OR2I1: variants seen among roughly 807,000 people sequenced by gnomAD.
OR2I1 encodes the protein olfactory receptor family 2 subfamily I member 1 (gene/pseudogene), also known as putative olfactory receptor 2I1.
chr6:29,555,958 T>C, the OR2I1 span: 1 of 1,613,138 alleles, frequency 6.2e-7, no homozygotes, highest in Non-Finnish European at 8.5e-7. Flanking sequence ...TCTTCCCATC[T>C]TCCAGTCTCT....
chr6:29,553,001 T>C, the OR2I1 span: 1 of 374,044 alleles, frequency 2.7e-6, no homozygotes, highest in Non-Finnish European at 4.7e-6. Flanking sequence ...GCCTACCGAG[T>C]GTTGGCCAGG....
At chr6:29,555,356 A>C in the OR2I1 span, 2 of 153,320 alleles carry the variant, frequency 1.3e-5, no homozygotes, top group African/African-American at 4.8e-5. Flanking sequence ...AATGTTTAGT[A>C]ATTTGATTGT....
At chr6:29,553,533 T>C in the OR2I1 span, 2 of 398,534 alleles carry the variant, frequency 5.0e-6, no homozygotes, top group Non-Finnish European at 8.8e-6. Flanking sequence ...CATCGCTGGC[T>C]CTGGGTTCCG....
the OR2I1 span, among the ~76,000 whole-genome samples, chr6:29,551,541 G>C: frequency 5.2e-4 from 79 of 152,322 alleles, no homozygotes; most frequent in Middle Eastern, 3.4e-3. Flanking sequence ...TAAATGAAAA[G>C]AGCTGTAAAT....
chr6:29,556,135 C>A, the OR2I1 span: 15 of 1,613,148 alleles, frequency 9.3e-6, no homozygotes, highest in Non-Finnish European at 1.3e-5. Context: ...CACTGGGCTT[C>A]ACCACTTTCA....
At chr6:29,556,174 A>C in the OR2I1 span, 1 of 1,613,080 alleles carries the variant, frequency 6.2e-7, no homozygotes, top group Non-Finnish European at 8.5e-7. Context: ...TCTCTTTGTC[A>C]ATGCCATAAG....
chr6:29,555,557 A>T, the OR2I1 span: 5 of 321,552 alleles, frequency 1.6e-5, no homozygotes, highest in African/African-American at 4.3e-5. Flanking sequence ...AAAGGAAAGG[A>T]GATAGGAGTT....
the OR2I1 span, chr6:29,554,006 C>T: frequency 2.5e-6 from 1 of 398,874 alleles, no homozygotes; most frequent in Non-Finnish European, 4.4e-6. Flanking sequence ...CTGCAGCCCG[C>T]GCAGCGCTAC....
chr6:29,550,802 A>G, the OR2I1 span: 1 of 152,186 alleles, frequency 6.6e-6, no homozygotes, highest in East Asian at 1.9e-4. Context: ...CAAGAGACCA[A>G]CCTATCATCT....
chr6:29,556,478 G>T, the OR2I1 span: 2 of 630,470 alleles, frequency 3.2e-6, no homozygotes, highest in Non-Finnish European at 5.4e-6. Flanking sequence ...AGTAGCCAGT[G>T]TCCCTCTCTT....
the OR2I1 span, chr6:29,552,685 C>A: frequency 1.3e-5 from 2 of 152,200 alleles, no homozygotes; most frequent in Non-Finnish European, 2.9e-5. Context: ...TACAGTTATA[C>A]AGTTACACAG....
At chr6:29,552,335 C>T in the OR2I1 span, among the ~76,000 whole-genome samples, 2 of 152,134 alleles carry the variant, frequency 1.3e-5, no homozygotes, top group African/African-American at 4.8e-5. Context: ...CTAAAGGGAG[C>T]TATGTAGGTA....
At chr6:29,555,802 CAGA>C in the OR2I1 span, 1 of 1,190,752 alleles carries the variant, frequency 8.4e-7, no homozygotes, top group South Asian at 1.4e-5. Flanking sequence ...GGGAAATCAT[CAGA>C]AGATGTGTTC....
chr6:29,554,673 A>C, the OR2I1 span: 1 of 152,430 alleles, frequency 6.6e-6, no homozygotes, highest in Non-Finnish European at 1.5e-5. Context: ...AAGCCCATAA[A>C]TGGTGGTGAA....
chr6:29,557,122 C>T, the OR2I1 span: 1 of 152,188 alleles, frequency 6.6e-6, no homozygotes, highest in Non-Finnish European at 1.5e-5. Flanking sequence ...AAATTATAAA[C>T]AAGACCGAGG....
chr6:29,554,209 T>C, the OR2I1 span: 736 of 398,652 alleles, frequency 1.8e-3, no homozygotes, highest in African/African-American at 0.012. Context: ...AACCCAAGGA[T>C]GGAAATACCC....
the OR2I1 span, chr6:29,553,537 G>C: frequency 7.5e-6 from 3 of 398,420 alleles, no homozygotes; most frequent in Non-Finnish European, 1.3e-5. Context: ...GCTGGCTCTG[G>C]GTTCCGCCGA....
chr6:29,556,103 AG>A, the OR2I1 span: 1 of 1,613,114 alleles, frequency 6.2e-7, no homozygotes, highest in African/African-American at 1.3e-5. Flanking sequence ...TGACTCCACA[AG>A]AAACAAGGGC....
At chr6:29,556,556 T>C in the OR2I1 span, 1 of 538,366 alleles carries the variant, frequency 1.9e-6, no homozygotes, top group Non-Finnish European at 3.3e-6. Flanking sequence ...CATTCCTTTA[T>C]AATCACACCT....
Sources: gnomAD v4.1 joint callset for allele counts (sites outside exome capture counted in the v4.1 genomes callset) on GRCh38, gnomAD v4.1.1 for gene constraint, MANE v1.5 for transcripts, NCBI Gene and HGNC (gene_info 2026-07-23, HGNC 2026-07-21) for gene names.